The following SGCZ variants were observed in gnomAD, a reference collection of about 807,000 sequenced individuals.
SGCZ encodes zeta-sarcoglycan.
In SGCZ, 40 loss-of-function variants were observed where a neutral mutation model predicts 41.3. The observed-to-expected ratio is 0.97, with a 90% CI of 0.75 to 1.26. The LOEUF (loss-of-function observed/expected upper bound fraction) is 1.26, where lower values mean the gene tolerates loss of function less well. SGCZ is among the 50% of genes most tolerant of loss of function. The pLI, the probability that SGCZ is intolerant of heterozygous loss-of-function variation, is 0.00. For missense variants in SGCZ, 552 were observed against 369.8 expected, an observed-to-expected ratio of 1.49 and a Z score of -4.04; for synonymous variants, 206 against 137.5, an observed-to-expected ratio of 1.50 and a Z score of -3.49.
chr8:14,356,054 T>C (rs1803283269), intron 2 of SGCZ, among the ~76,000 whole-genome samples: 1 of 152,170 alleles, frequency 6.6e-6, no homozygotes, highest in Non-Finnish European at 1.5e-5. Flanking sequence ...CTCATAATGC[T>C]TGGGCAGGGG....
intron 1 of SGCZ, among the ~76,000 whole-genome samples, chr8:15,124,304 G>A (rs1167044946): frequency 6.6e-6 from 1 of 152,144 alleles, no homozygotes; most frequent in African/African-American, 2.4e-5. Flanking sequence ...GAGAAAAAAA[G>A]AATGTGTTTA....
At chr8:14,873,079 T>A (rs1804226159) in intron 1 of SGCZ, among the ~76,000 whole-genome samples, 1 of 152,100 alleles carries the variant, frequency 6.6e-6, no homozygotes, top group Admixed American at 6.6e-5. Context: ...TTAAATGTAA[T>A]AGAAACGATT....
At chr8:14,265,429 G>C (rs1799835237) in intron 3 of SGCZ, among the ~76,000 whole-genome samples, 1 of 152,076 alleles carries the variant, frequency 6.6e-6, no homozygotes, top group African/African-American at 2.4e-5. Flanking sequence ...GGAAAACGCT[G>C]GATCTCTATG....
At chr8:14,647,792 A>C (rs1301377748) in intron 1 of SGCZ, among the ~76,000 whole-genome samples, 1 of 152,094 alleles carries the variant, frequency 6.6e-6, no homozygotes, top group African/African-American at 2.4e-5. Context: ...CAATGACATC[A>C]AGATGATGCT....
At chr8:15,095,570 C>T (rs1326785793) in intron 1 of SGCZ, among the ~76,000 whole-genome samples, 1 of 151,958 alleles carries the variant, frequency 6.6e-6, no homozygotes, top group African/African-American at 2.4e-5. Context: ...AATTAAGATT[C>T]CTCACAAATA....
At chr8:14,418,652 T>A (rs1443384269) in intron 2 of SGCZ, among the ~76,000 whole-genome samples, 1 of 151,936 alleles carries the variant, frequency 6.6e-6, no homozygotes, top group Non-Finnish European at 1.5e-5. Flanking sequence ...ATACAGCAAT[T>A]GAAACTAAAT....
chr8:14,097,643 T>A (rs1262729578), intron 7 of SGCZ, among the ~76,000 whole-genome samples: 1 of 152,178 alleles, frequency 6.6e-6, no homozygotes, highest in Non-Finnish European at 1.5e-5. Flanking sequence ...TGGATATCCT[T>A]GTTAATTTTC....
chr8:14,930,365 G>A (rs1248840600), intron 1 of SGCZ, among the ~76,000 whole-genome samples: 2 of 152,036 alleles, frequency 1.3e-5, no homozygotes, highest in African/African-American at 4.8e-5. Context: ...TGGAGAAATG[G>A]GAAAGCTTTT....
intron 2 of SGCZ, among the ~76,000 whole-genome samples, chr8:14,430,681 G>A (rs932466743): frequency 6.6e-6 from 1 of 152,138 alleles, no homozygotes; most frequent in East Asian, 1.9e-4. Flanking sequence ...CACAGTACTT[G>A]AAGTTCTAGT....
chr8:14,949,458 C>G (rs1800559381), intron 1 of SGCZ, among the ~76,000 whole-genome samples: 1 of 152,070 alleles, frequency 6.6e-6, no homozygotes, highest in African/African-American at 2.4e-5. Flanking sequence ...AAAGAGAAGA[C>G]TGATTTCACT....
chr8:14,678,291 A>G (rs1808338199), intron 1 of SGCZ, among the ~76,000 whole-genome samples: 3 of 152,236 alleles, frequency 2.0e-5, no homozygotes, highest in Non-Finnish European at 4.4e-5. Context: ...TGTAGAAAAC[A>G]TATTTGAAAA....
At chr8:15,018,297 G>T (rs1344983122) in intron 1 of SGCZ, among the ~76,000 whole-genome samples, 3 of 152,112 alleles carry the variant, frequency 2.0e-5, no homozygotes, top group Admixed American at 6.5e-5. Context: ...AAACAAGACA[G>T]CTTATTTTTA....
At chr8:14,436,443 T>C (rs34470669) in intron 2 of SGCZ, among the ~76,000 whole-genome samples, 32,691 of 152,196 alleles carry the variant, frequency 0.21, 4,229 homozygotes, top group Non-Finnish European at 0.3. Flanking sequence ...TAGCCCACTG[T>C]ATGCAAAGTG....
intron 1 of SGCZ, among the ~76,000 whole-genome samples, chr8:15,040,931 T>C (rs975177823): frequency 6.6e-6 from 1 of 152,014 alleles, no homozygotes; most frequent in African/African-American, 2.4e-5. Flanking sequence ...TATTATTAGA[T>C]AAAAGGTAAA....
chr8:14,876,074 C>T (rs931637917), intron 1 of SGCZ, among the ~76,000 whole-genome samples: 1 of 152,164 alleles, frequency 6.6e-6, no homozygotes, highest in African/African-American at 2.4e-5. Flanking sequence ...CCCCCTGTCT[C>T]CCCAGCTCAG....
chr8:15,085,714 G>A (rs1191536874), intron 1 of SGCZ, among the ~76,000 whole-genome samples: 1 of 152,034 alleles, frequency 6.6e-6, no homozygotes, highest in Non-Finnish European at 1.5e-5. Flanking sequence ...CACCAACTTT[G>A]CTACTCTTTT....
At chr8:14,402,003 C>G (rs1316458900) in intron 2 of SGCZ, among the ~76,000 whole-genome samples, 1 of 152,050 alleles carries the variant, frequency 6.6e-6, no homozygotes, top group Non-Finnish European at 1.5e-5. Context: ...GATGGTATCT[C>G]ATTGTGGTTT....
At chr8:14,249,785 C>G (rs933734117) in intron 3 of SGCZ, among the ~76,000 whole-genome samples, 2 of 152,002 alleles carry the variant, frequency 1.3e-5, no homozygotes, top group African/African-American at 4.8e-5. Flanking sequence ...ATGACTGGAG[C>G]GATTTCAAAC....
At chr8:14,308,711 C>G (rs746589044) in intron 3 of SGCZ, among the ~76,000 whole-genome samples, 3 of 151,942 alleles carry the variant, frequency 2.0e-5, no homozygotes, top group Non-Finnish European at 2.9e-5. Context: ...CCGTGTGTTT[C>G]AATTTTTAAC....
Sources: gnomAD v4.1 joint callset for allele counts (sites outside exome capture counted in the v4.1 genomes callset) on GRCh38, gnomAD v4.1.1 for gene constraint, MANE v1.5 for transcripts, NCBI Gene and HGNC (gene_info 2026-07-23, HGNC 2026-07-21) for gene names.